Variants in CACNB2 observed in about 807,000 individuals in gnomAD.
The protein encoded by CACNB2 is voltage-dependent L-type calcium channel subunit beta-2.
Under a neutral mutation model 73.3 loss-of-function variants are expected in CACNB2, and 42 were observed. The ratio of observed to expected loss-of-function variants is 0.57; its 90% CI spans 0.45 to 0.74. The LOEUF is 0.74. Among genes scored for constraint, CACNB2 ranks in the 30% least tolerant of loss-of-function variants. The pLI is 0.00. For missense variants in CACNB2, 940 were observed against 853.0 expected (o/e 1.10, Z -1.27); for synonymous variants, 348 against 310.3 (o/e 1.12, Z -1.28).
At chr10:18,448,287 T>C (rs2046834985) in intron 3 of CACNB2, among the ~76,000 whole-genome samples, 1 of 151,830 alleles carries the variant, frequency 6.6e-6, no homozygotes, top group Admixed American at 6.6e-5. Flanking sequence ...CTGGCCAACA[T>C]GGTGAAACAC....
chr10:18,446,111 GA>G (rs1262825551), intron 3 of CACNB2, among the ~76,000 whole-genome samples: 1 of 152,118 alleles, frequency 6.6e-6, no homozygotes, highest in Non-Finnish European at 1.5e-5. Context: ...GCCTGAGGAA[GA>G]CTTTCCATGA....
intron 2 of CACNB2, among the ~76,000 whole-genome samples, chr10:18,327,379 T>A (rs950799188): frequency 6.6e-6 from 1 of 152,194 alleles, no homozygotes; most frequent in Non-Finnish European, 1.5e-5. Context: ...TGTAGAAATA[T>A]GCACATCTGG....
chr10:18,484,957 C>T (rs2048981545), intron 3 of CACNB2, among the ~76,000 whole-genome samples: 1 of 152,034 alleles, frequency 6.6e-6, no homozygotes. Flanking sequence ...GAGTTGGAGA[C>T]CAGCCTGGAC....
chr10:18,242,237 A>G (rs1203532666), intron 2 of CACNB2, among the ~76,000 whole-genome samples: 1 of 152,062 alleles, frequency 6.6e-6, no homozygotes. Context: ...ATAAAACAAT[A>G]GTGCAAAAAT....
At chr10:18,360,759 C>G (rs962066234) in intron 2 of CACNB2, among the ~76,000 whole-genome samples, 2 of 152,138 alleles carry the variant, frequency 1.3e-5, no homozygotes, top group African/African-American at 4.8e-5. Context: ...CTGTATATTC[C>G]CCTGCATCTG....
At chr10:18,514,520 A>T (rs1204954300) in intron 7 of CACNB2, 151 bp downstream of exon 7, 2 of 1,613,960 alleles carry the variant, frequency 1.2e-6, no homozygotes, top group Admixed American at 3.3e-5. Context: ...GCTAAGCAGA[A>T]GCAGAAATCG....
chr10:18,540,442 G>GTAA lies in CACNB2; in HGVS notation c.*722_*724dup, dbSNP rs1359328996. 1 of 152,464 alleles carries GTAA rather than the reference G, an allele frequency of 6.6e-6. No individual in the cohort carries two copies. Among genetic ancestry groups the GTAA allele is most frequent in the African/African-American group, 2.4e-5 (1 of 41,392 alleles). 9.4% of individuals were successfully genotyped at this position (152,464 alleles called of 1,614,324 possible). On this transcript the variant is annotated 3_prime_UTR_variant, in exon 14 of 14. Coordinates refer to ENST00000324631, the MANE Select transcript of CACNB2 (RefSeq NM_201596.3). ...AGAAATGCCCACATTCAGGAAATTT[G>GTAA]TAATAACATTGTCTAGACACCTATC...
rs1399214831 is a variant in CACNB2 at position 18,540,381 on chromosome 10, C to T, written c.*657C>T. On this transcript the variant is annotated 3_prime_UTR_variant, in exon 14 of 14. Coordinates refer to ENST00000324631, the MANE Select transcript of CACNB2 (RefSeq NM_201596.3). ...TCACACTATTTTAGAGTCTTAATGC[C>T]AAGTCAGCAGATTTGCTTTATGAAT... The T allele has an allele frequency of 6.6e-6, 1 of 151,872 alleles. No individual in the cohort carries two copies. Among genetic ancestry groups the T allele is most frequent in the Admixed American group, 6.6e-5 (1 of 15,188 alleles). 9.4% of individuals were successfully genotyped at this position (151,872 alleles called of 1,614,324 possible).
intron 2 of CACNB2, among the ~76,000 whole-genome samples, chr10:18,259,635 G>T (rs1258883769): frequency 6.6e-6 from 1 of 151,218 alleles, no homozygotes; most frequent in Admixed American, 6.6e-5. Context: ...GGAGTCTGAG[G>T]CAGGAGAATT....
intron 2 of CACNB2, among the ~76,000 whole-genome samples, chr10:18,232,563 TG>T (rs1281844299): frequency 6.6e-6 from 1 of 152,182 alleles, no homozygotes; most frequent in Non-Finnish European, 1.5e-5. Flanking sequence ...ATATGCTTTT[TG>T]GGGGTCAGAA....
At chr10:18,379,084 A>T (rs2042914495) in intron 2 of CACNB2, among the ~76,000 whole-genome samples, 1 of 152,138 alleles carries the variant, frequency 6.6e-6, no homozygotes, top group Admixed American at 6.6e-5. Flanking sequence ...GTAAATTTTG[A>T]GGCTTACTCT....
Position 18,534,071 on chromosome 10 carries a change from T to C in CACNB2, c.1055-5T>C. ...ACTTTAACTGAATTGTTTCGCCCTT[T>C]ACAGCGGAAGTTCAGAGTGAAATCG... On this transcript the variant is annotated splice_polypyrimidine_tract_variant and splice_region_variant and intron_variant, in intron 10 of 13. Transcript: ENST00000324631. The C allele has an allele frequency of 6.2e-7, 1 of 1,614,078 alleles. No homozygotes were observed. The highest frequency in any genetic ancestry group is 8.5e-7 in the Non-Finnish European group (1 of 1,179,936).
intron 3 of CACNB2, among the ~76,000 whole-genome samples, chr10:18,471,199 G>A (rs1002322253): frequency 3.9e-5 from 6 of 152,046 alleles, no homozygotes; most frequent in African/African-American, 9.7e-5. Flanking sequence ...CCAGCTACTC[G>A]GGAGGCTGAG....
At chr10:18,402,785 G>A (rs1325087160) in intron 3 of CACNB2, among the ~76,000 whole-genome samples, 1 of 152,196 alleles carries the variant, frequency 6.6e-6, no homozygotes, top group Non-Finnish European at 1.5e-5. Context: ...GGCTTGGTTT[G>A]TGGGATACTC....
chr10:18,536,305 TG>T (rs1564670800), intron 12 of CACNB2, 109 bp downstream of exon 12: 2 of 646,958 alleles, frequency 3.1e-6, no homozygotes, highest in Middle Eastern at 3.5e-4. Context: ...TTGCCCATGT[TG>T]GGAGTGCAGT....
chr10:18,200,172 G>A (rs1046321336), intron 2 of CACNB2, among the ~76,000 whole-genome samples: 8 of 151,966 alleles, frequency 5.3e-5, no homozygotes, highest in East Asian at 1.9e-4. Context: ...TACTAAATAC[G>A]TGACAACAAT....
At chr10:18,491,014 T>C (rs1446327775) in intron 3 of CACNB2, among the ~76,000 whole-genome samples, 1 of 152,228 alleles carries the variant, frequency 6.6e-6, no homozygotes, top group African/African-American at 2.4e-5. Flanking sequence ...CCCAGAGCAC[T>C]GTGTCAGTTT....
At chr10:18,265,742 A>G (rs1187821754) in intron 2 of CACNB2, among the ~76,000 whole-genome samples, 1 of 152,104 alleles carries the variant, frequency 6.6e-6, no homozygotes, top group Non-Finnish European at 1.5e-5. Flanking sequence ...TCAAAAGTTT[A>G]TTGTGAGAGT....
intron 2 of CACNB2, among the ~76,000 whole-genome samples, chr10:18,201,637 A>G (rs2034888151): frequency 6.6e-6 from 1 of 152,230 alleles, no homozygotes; most frequent in Non-Finnish European, 1.5e-5. Flanking sequence ...GTGATGTTTC[A>G]ATACATAAAA....
Sources: allele counts gnomAD v4.1 joint callset (sites outside exome capture counted in the v4.1 genomes callset), GRCh38; gene constraint gnomAD v4.1.1; transcripts MANE v1.5; gene names NCBI Gene and HGNC (gene_info 2026-07-23, HGNC 2026-07-21).